NPNT: variants seen among roughly 807,000 people sequenced by gnomAD.
The protein encoded by NPNT is preosteoblast EGF-like repeat protein with MAM domain.
In NPNT, 45 loss-of-function variants were observed where a neutral mutation model predicts 68.6. The observed-to-expected ratio is 0.66, with a 90% confidence interval of 0.52 to 0.84. The LOEUF (loss-of-function observed/expected upper bound fraction) is 0.84, where lower values mean the gene tolerates loss of function less well. Among genes scored for constraint, NPNT ranks in the 40% least tolerant of loss-of-function variants. The pLI is 0.00. For missense variants in NPNT, 672 were observed against 714.8 expected (o/e 0.94, Z 0.68); for synonymous variants, 233 against 253.3 (o/e 0.92, Z 0.76).
At chr4:105,898,219 A>G (rs980828726) in intron 2 of NPNT, 3 of 393,130 alleles carry the variant, frequency 7.6e-6, no homozygotes, top group Admixed American at 4.3e-5. Flanking sequence ...ACAGAGAGCC[A>G]CCTTAAATGT....
intron 2 of NPNT, among the ~76,000 whole-genome samples, chr4:105,900,904 A>G (rs1726363021): frequency 7.0e-6 from 1 of 142,550 alleles, no homozygotes; most frequent in South Asian, 2.2e-4. Context: ...TAGCATATTG[A>G]AAATTCAACA....
intron 2 of NPNT, among the ~76,000 whole-genome samples, chr4:105,901,095 T>G (rs1435152780): frequency 6.6e-6 from 1 of 152,192 alleles, no homozygotes; most frequent in African/African-American, 2.4e-5. Flanking sequence ...AATTTTTTTG[T>G]CATTTTGATG....
rs1166433548 is a variant in NPNT, at chr4:105,940,628, C to T, written c.755C>T (p.Thr252Ile). The T allele has an allele frequency of 6.2e-7, 1 of 1,613,056 alleles. No homozygotes were observed. ...GAAGGATACCAGGGTGATGGACTGA[C>T]TTGTGTGTGTGAGTAGCACTTGTCT... ...CKEGYQGDGL[T>I]CVYIPKVMIE... Residue 252 changes from threonine to isoleucine, a missense_variant, in exon 7 of 12, where the codon ACT (threonine) becomes ATT (isoleucine). Thr to Ile is a moderately conservative substitution (Grantham distance 89, BLOSUM62 -1). Coordinates refer to ENST00000379987, the MANE Select transcript of NPNT (RefSeq NM_001033047.3).
At chr4:105,902,531 A>T (rs1220393248) in intron 2 of NPNT, among the ~76,000 whole-genome samples, 1 of 152,146 alleles carries the variant, frequency 6.6e-6, no homozygotes, top group Non-Finnish European at 1.5e-5. Flanking sequence ...TCTAATTTTG[A>T]GGTGAGAATG....
intron 3 of NPNT, among the ~76,000 whole-genome samples, chr4:105,936,074 G>A (rs549842766): frequency 5.9e-5 from 9 of 151,934 alleles, no homozygotes; most frequent in Non-Finnish European, 1.2e-4. Context: ...ATGTTTATTT[G>A]TCATTATGAG....
chr4:105,921,632 A>C (rs1270920440), intron 2 of NPNT, among the ~76,000 whole-genome samples: 1 of 152,174 alleles, frequency 6.6e-6, no homozygotes, highest in Non-Finnish European at 1.5e-5. Context: ...TTTCCCCTGG[A>C]GATCTTGGAC....
chr4:105,903,207 C>T (rs1335823223), intron 2 of NPNT, among the ~76,000 whole-genome samples: 1 of 152,222 alleles, frequency 6.6e-6, no homozygotes, highest in Non-Finnish European at 1.5e-5. Context: ...TCTCCCTCAC[C>T]TCCTGTGTGT....
intron 2 of NPNT, chr4:105,911,597 CTTTCA>C (rs1464301940): frequency 6.5e-6 from 1 of 153,040 alleles, no homozygotes; most frequent in African/African-American, 2.4e-5. Context: ...AATGGCTGTG[CTTTCA>C]TGGTAATTCT....
chr4:105,953,140 T>G (rs1283289976), intron 8 of NPNT, among the ~76,000 whole-genome samples: 3 of 152,190 alleles, frequency 2.0e-5, no homozygotes, highest in Admixed American at 2.0e-4. Flanking sequence ...CACTCCAGCC[T>G]GGGTGACACA....
chr4:105,965,086 TTAAAAA>T (rs1732013178), intron 10 of NPNT, among the ~76,000 whole-genome samples: 1 of 152,286 alleles, frequency 6.6e-6, no homozygotes, highest in South Asian at 2.1e-4. Context: ...CACTACAGAA[TTAAAAA>T]TAAATAAACT....
intron 2 of NPNT, among the ~76,000 whole-genome samples, chr4:105,900,056 A>C (rs1357362219): frequency 1.3e-5 from 2 of 152,240 alleles, no homozygotes; most frequent in Non-Finnish European, 2.9e-5. Context: ...GCTATTGTAT[A>C]ACAATTCAAT....
chr4:105,961,185 T>C (rs556391118), intron 10 of NPNT, among the ~76,000 whole-genome samples: 1 of 152,276 alleles, frequency 6.6e-6, no homozygotes, highest in Non-Finnish European at 1.5e-5. Flanking sequence ...TCATGCAGGC[T>C]CCTAGACAGT....
Position 105,970,255 on chromosome 4 carries a change from C to T in NPNT, c.*1265C>T. The T allele has an allele frequency of 3.5e-6, 2 of 574,912 alleles. No individual in the cohort carries two copies. Among genetic ancestry groups the T allele is most frequent in the Non-Finnish European group, 6.2e-6 (2 of 321,746 alleles). 35.6% of individuals were successfully genotyped at this position (574,912 alleles called of 1,614,324 possible). A position where few individuals can be genotyped will look rare whatever the true frequency, so the allele number is the denominator to read the frequency against. ...TGGAATTCTAAGATCCATGAACCCC[C>T]AACTGTATTTCCTCCCTGCATATTT... On this transcript the variant is annotated 3_prime_UTR_variant, in exon 12 of 12. Transcript: ENST00000379987.
chr4:105,916,819 G>T (rs567357247), intron 2 of NPNT, among the ~76,000 whole-genome samples: 1 of 151,896 alleles, frequency 6.6e-6, no homozygotes, highest in African/African-American at 2.4e-5. Flanking sequence ...GCAATGCCTC[G>T]TCCAGTTCAG....
intron 2 of NPNT, among the ~76,000 whole-genome samples, chr4:105,900,825 C>A (rs1326492029): frequency 6.7e-6 from 1 of 148,986 alleles, no homozygotes; most frequent in Non-Finnish European, 1.5e-5. Flanking sequence ...GTAGGTCATA[C>A]CCTTGGTTGT....
intron 5 of NPNT, among the ~76,000 whole-genome samples, chr4:105,939,022 G>C (rs919814677): frequency 2.2e-4 from 33 of 152,280 alleles, no homozygotes; most frequent in African/African-American, 7.7e-4. Flanking sequence ...CATGTAATAA[G>C]CCTTGAATGA....
chr4:105,941,491 A>T (rs1729950006), intron 7 of NPNT, among the ~76,000 whole-genome samples: 1 of 152,240 alleles, frequency 6.6e-6, no homozygotes, highest in Non-Finnish European at 1.5e-5. Flanking sequence ...AATTTAACAT[A>T]CATTTCATGT....
At chr4:105,960,593 T>A (rs1731645175) in intron 10 of NPNT, among the ~76,000 whole-genome samples, 1 of 152,234 alleles carries the variant, frequency 6.6e-6, no homozygotes, top group African/African-American at 2.4e-5. Flanking sequence ...TCAAATTGGT[T>A]CATACATTTC....
At chr4:105,919,775 G>T (rs1728101616) in intron 2 of NPNT, among the ~76,000 whole-genome samples, 1 of 150,668 alleles carries the variant, frequency 6.6e-6, no homozygotes, top group Non-Finnish European at 1.5e-5. Flanking sequence ...ATGTTGGTTT[G>T]TCCTACTATT....
Sources: gnomAD v4.1 joint callset for allele counts (sites outside exome capture counted in the v4.1 genomes callset) on GRCh38, gnomAD v4.1.1 for gene constraint, MANE v1.5 for transcripts, NCBI Gene and HGNC (gene_info 2026-07-23, HGNC 2026-07-21) for gene names.